The following VPS11 variants were observed in gnomAD, a reference collection of about 807,000 sequenced individuals.
The protein encoded by VPS11 is VPS11 core subunit of CORVET and HOPS complexes.
In VPS11, 51 loss-of-function variants were observed where a neutral mutation model predicts 106.8. The ratio of observed to expected loss-of-function variants is 0.48; its 90% confidence interval spans 0.38 to 0.60. VPS11 has a LOEUF of 0.60. Ranked by LOEUF, VPS11 falls within the 20% of genes least tolerant of loss-of-function variation. The pLI is 0.00. For synonymous variants in VPS11, 453 were observed against 458.7 expected (o/e 0.99, Z 0.16); for missense variants, 950 against 1,190.0 (o/e 0.80, Z 2.97).
At position 119,067,952 on chromosome 11, in the gene VPS11, T is replaced by C. The variant is rs2133639895; in HGVS notation, c.129T>C (p.Leu43=). The C allele has an allele frequency of 3.1e-6, 5 of 1,612,872 alleles. No homozygotes were observed. The highest frequency in any genetic ancestry group is 4.2e-6 in the Non-Finnish European group (5 of 1,179,420). ...CTGGATCCGCTGCTTCCAAGTTCCT[T>C]TGCCTCCCTCCTGGCATCACTGTCT... The part of the protein sequence containing the change: ...PASGSAASKF[L]CLPPGITVCD... Residue 43 remains leucine, a synonymous_variant, in exon 1 of 16, where the codon CTT becomes CTC. Transcript: ENST00000621676.
chr11:119,071,050 T>A (rs1224399548), intron 4 of VPS11, among the ~76,000 whole-genome samples: 1 of 150,406 alleles, frequency 6.6e-6, no homozygotes, highest in East Asian at 2.0e-4. Flanking sequence ...CACCTCAGCC[T>A]CCTGAGTACG....
At chr11:119,068,554 C>A (rs1036448154) in intron 1 of VPS11, among the ~76,000 whole-genome samples, 8 of 140,966 alleles carry the variant, frequency 5.7e-5, no homozygotes, top group African/African-American at 1.6e-4. Context: ...TCAAGCGATT[C>A]TCCTGCCACA....
intron 1 of VPS11, among the ~76,000 whole-genome samples, chr11:119,068,477 T>A (rs2133642517): frequency 8.4e-6 from 1 of 118,584 alleles, no homozygotes; most frequent in East Asian, 2.5e-4. Flanking sequence ...TGATACGGAG[T>A]CTTACTCTGT....
rs781805086 is a variant in VPS11 at position 119,071,680 on chromosome 11, C to G, written c.721C>G (p.Pro241Ala). 1 of 1,614,008 alleles carries G rather than the reference C, an allele frequency of 6.2e-7. No individual in the cohort carries two copies. Among genetic ancestry groups the G allele is most frequent in the South Asian group, 1.1e-5 (1 of 91,084 alleles). Residue 241 changes from proline to alanine, a missense_variant, in exon 5 of 16, where the codon CCT (proline) becomes GCT (alanine). This residue lies in a region of VPS11 where 435 missense variants were observed against 630.2 expected (regional missense o/e 0.69). Coordinates refer to ENST00000621676, the MANE Select transcript of VPS11 (RefSeq NM_021729.6). ...CCTGCGCTGCTCAGCCCTAAGTGAC[C>G]CTTCTCAGGACCTGCAGTTCATTGT... The part of the protein sequence containing the change: ...CGLRCSALSD[P>A]SQDLQFIVAG...
chr11:119,077,453 CTCTA>C lies in VPS11; in HGVS notation c.1426-44_1426-41del, dbSNP rs782404014. On this transcript the variant is annotated intron_variant, in intron 8 of 15. Transcript: ENST00000621676. The stretch of plus-strand genomic sequence containing the variant: ...GTCAGGTGCCTGTTTCCTCTCCCTT[CTCTA>C]TCTCCCTCTGTGTAAATGATTTTGT... 3 of 1,588,358 alleles carry C rather than the reference CTCTA, an allele frequency of 1.9e-6. No individual in the cohort carries two copies. The African/African-American group carries it at 4.0e-5, about 21-fold the overall frequency.
Position 119,081,477 on chromosome 11 carries a change from A to G in VPS11, c.2680A>G (p.Ser894Gly). The G allele has an allele frequency of 6.2e-7, 1 of 1,613,990 alleles. No homozygotes were observed. The highest frequency in any genetic ancestry group is 2.2e-5 in the East Asian group (1 of 44,874). The change falls in exon 16 of 16, where the codon AGC (serine) becomes GGC (glycine). Residue 894 changes from serine to glycine, a missense_variant. Coordinates refer to ENST00000621676, the MANE Select transcript of VPS11 (RefSeq NM_021729.6). ...CCTGCAGCTCAAGTGCTCCAATGAC[A>G]GCTTTTCTGTGATTGCTGACTACTT... is the stretch of plus-strand genomic sequence containing the variant. ...FQHQLKCSND[S>G]FSVIADYFGR...
intron 7 of VPS11, 67 bp from the exon 8 acceptor site, chr11:119,076,830 A>T (rs1945637693): frequency 6.4e-7 from 1 of 1,559,316 alleles, no homozygotes; most frequent in Admixed American, 1.8e-5. Context: ...TCTGCAAGTG[A>T]TTCCTGTGTA....
At chr11:119,071,369 G>A (rs996257199) in intron 4 of VPS11, among the ~76,000 whole-genome samples, 6 of 152,116 alleles carry the variant, frequency 3.9e-5, no homozygotes, top group Admixed American at 3.9e-4. Context: ...CTTACTTGCA[G>A]AATTTCTGTA....
Position 119,069,273 on chromosome 11 carries a change from C to T in VPS11, c.265C>T (p.His89Tyr), listed in dbSNP as rs782715289. The change falls in exon 2 of 16, where the codon CAC (histidine) becomes TAC (tyrosine). Residue 89 changes from histidine to tyrosine, a missense_variant. Around this residue, in one of 3 missense-constraint regions of VPS11, gnomAD observed 435 missense variants for 630.2 expected, o/e 0.69. Transcript: ENST00000621676. ...CCAAGCCTACAAACTACGGGTGACACACCTGTACCAACTGAAGCAGCACAA... is the reference window on the plus strand; with the variant it reads ...CCAAGCCTACAAACTACGGGTGACATACCTGTACCAACTGAAGCAGCACAA... ...GFQAYKLRVT[H>Y]LYQLKQHNIL... 8.7e-6 allele frequency: 14 copies of T among 1,613,994 alleles called. No individual in the cohort carries two copies. The highest frequency in any genetic ancestry group is 2.7e-5 in the African/African-American group (2 of 75,026).
Position 119,078,562 on chromosome 11 carries a change from C to G in VPS11, c.1924-3C>G. 1 of 1,607,802 alleles carries G rather than the reference C, an allele frequency of 6.2e-7. No homozygotes were observed. The highest frequency in any genetic ancestry group is 8.5e-7 in the Non-Finnish European group (1 of 1,174,884). On this transcript the variant is annotated splice_polypyrimidine_tract_variant and splice_region_variant and intron_variant, in intron 11 of 15. Transcript: ENST00000621676. ...CAGCAGCTCTGCCCTCCTTCCTCTCCAGGTCAAAGAGAAGCTTCACGCAGA... is the reference window on the plus strand; with the variant it reads ...CAGCAGCTCTGCCCTCCTTCCTCTCGAGGTCAAAGAGAAGCTTCACGCAGA...
chr11:119,071,481 G>A, intron 4 of VPS11, 115 bp from the exon 5 acceptor site: 1 of 1,354,018 alleles, frequency 7.4e-7, no homozygotes, highest in Non-Finnish European at 1.0e-6. Context: ...CCAAGAGAAA[G>A]ACTTTAGAAT....
chr11:119,077,162 G>T (rs1417789121), intron 8 of VPS11, 79 bp downstream of exon 8: 1 of 1,521,602 alleles, frequency 6.6e-7, no homozygotes, highest in Non-Finnish European at 8.9e-7. Flanking sequence ...GTTCGTTTCA[G>T]CAAGACATAG....
rs782424603 is a variant in VPS11, at chr11:119,078,238, G to C, written c.1827G>C (p.Glu609Asp). The C allele has an allele frequency of 6.2e-7, 1 of 1,613,748 alleles. No homozygotes were observed. Among genetic ancestry groups the C allele is most frequent in the South Asian group, 1.1e-5 (1 of 91,070 alleles). ...NNPRELKAFL[E>D]HMSEVQPDSP... ...CGCGAGAGCTGAAAGCCTTCCTAGA[G>C]CACATGAGTGAAGTGCAGCCAGACT... The change falls in exon 11 of 16, where the codon GAG becomes GAC. Residue 609 changes from glutamate to aspartate, a missense_variant. By Grantham distance (45) the Glu-to-Asp change is conservative. Around this residue, in one of 3 missense-constraint regions of VPS11, gnomAD observed 453 missense variants for 514.6 expected, o/e 0.88. Coordinates refer to ENST00000621676, the MANE Select transcript of VPS11 (RefSeq NM_021729.6).
chr11:119,068,035 T>C (rs2134735362), intron 1 of VPS11, 25 bp downstream of exon 1: 1 of 1,578,218 alleles, frequency 6.3e-7, no homozygotes. Flanking sequence ...GAGCTGTCTT[T>C]TCCCTCCCGG....
Position 119,073,190 on chromosome 11 carries a change from C to G in VPS11, c.885-8C>G, listed in dbSNP as rs1451090518. On this transcript the variant is annotated splice_region_variant and splice_polypyrimidine_tract_variant and intron_variant, in intron 5 of 15. Transcript: ENST00000621676. ...CCAAACATCTGGTGCTTTTTCTTTC[C>G]TATGCAGGTCAGAGTTTACCAGCAG... 1 of 1,609,454 alleles carries G rather than the reference C, an allele frequency of 6.2e-7. No homozygotes were observed. The highest frequency in any genetic ancestry group is 1.7e-5 in the Admixed American group (1 of 59,152).
chr11:119,073,066 GT>G lies in VPS11; in HGVS notation c.885-130del, dbSNP rs1233304400. The G allele has an allele frequency of 2.2e-5, 22 of 998,090 alleles. No individual in the cohort carries two copies. The African/African-American group carries it at 3.5e-4, about 16-fold the overall frequency. 61.8% of individuals were successfully genotyped at this position (998,090 alleles called of 1,614,324 possible). ...TACAACTACCGGCACAGCGCTGCAT[GT>G]TATGGGATGAGAGGGACCAGAGAGG... On this transcript the variant is annotated intron_variant, in intron 5 of 15. Transcript: ENST00000621676.
At chr11:119,071,944 T>A (rs10892328) in intron 5 of VPS11, 101 bp downstream of exon 5, 535,588 of 1,442,530 alleles carry the variant, frequency 0.37, 102,150 homozygotes, top group Non-Finnish European at 0.39. Flanking sequence ...AATCTCCTAC[T>A]CCTACTCCGG....
At chr11:119,068,499 G>A (rs892558829) in intron 1 of VPS11, among the ~76,000 whole-genome samples, 3 of 142,164 alleles carry the variant, frequency 2.1e-5, no homozygotes, top group African/African-American at 8.0e-5. Context: ...GCCCAGGCTG[G>A]AGTGCAGTGG....
chr11:119,077,989 C>G lies in VPS11; in HGVS notation c.1684C>G (p.Gln562Glu). 3 of 1,613,862 alleles carry G rather than the reference C, an allele frequency of 1.9e-6. No individual in the cohort carries two copies. Among genetic ancestry groups the G allele is most frequent in the Non-Finnish European group, 2.5e-6 (3 of 1,179,894 alleles). The change falls in exon 10 of 16, where the codon CAG becomes GAG. Residue 562 changes from glutamine (Q) to glutamate (E), a missense_variant. Coordinates refer to ENST00000621676, the MANE Select transcript of VPS11 (RefSeq NM_021729.6). ...LMHHIPEQTT[Q>E]LLKGLCTDYR... The stretch of plus-strand genomic sequence containing the variant: ...GCACCACATACCAGAGCAGACAACT[C>G]AGTTGCTGAAGGGACTTTGTACTGA...
Sources: gnomAD v4.1 joint callset for allele counts (sites outside exome capture counted in the v4.1 genomes callset) on GRCh38, gnomAD v4.1.1 for gene constraint, gnomAD v4.1.1 regional missense constraint, MANE v1.5 for transcripts, NCBI Gene and HGNC (gene_info 2026-07-23, HGNC 2026-07-21) for gene names.